Variants in DISC1 observed in about 807,000 individuals in gnomAD.
DISC1 encodes the protein DISC1 scaffold protein.
Under a neutral mutation model 84.5 loss-of-function variants are expected in DISC1, and 57 were observed. That is an observed-to-expected ratio of 0.67 (90% CI 0.55 to 0.84). The LOEUF (loss-of-function observed/expected upper bound fraction) is 0.84. Among genes scored for constraint, DISC1 ranks in the 40% least tolerant of loss-of-function variants. DISC1 has a pLI of 0.00. For missense variants in DISC1, 1,000 were observed against 1,057.8 expected, an observed-to-expected ratio of 0.95 and a Z score of 0.76; for synonymous variants, 411 against 415.2, an observed-to-expected ratio of 0.99 and a Z score of 0.12.
At chr1:231,638,453 G>C (rs763354091) in intron 1 of DISC1, among the ~76,000 whole-genome samples, 1 of 152,044 alleles carries the variant, frequency 6.6e-6, no homozygotes, top group Non-Finnish European at 1.5e-5. Context: ...TTTTCTTCTA[G>C]TATGTTTATA....
intron 9 of DISC1, among the ~76,000 whole-genome samples, chr1:231,821,992 C>T (rs879832483): frequency 4.6e-5 from 7 of 152,138 alleles, no homozygotes; most frequent in Non-Finnish European, 7.3e-5. Flanking sequence ...TGAGCCACCG[C>T]GCCCGGCCTA....
At chr1:231,720,164 A>C (rs2069449543) in intron 3 of DISC1, among the ~76,000 whole-genome samples, 1 of 152,138 alleles carries the variant, frequency 6.6e-6, no homozygotes, top group Admixed American at 6.5e-5. Flanking sequence ...TAGTGTAATT[A>C]GTTCCTCTAG....
At chr1:231,694,897 A>G in intron 2 of DISC1, 92 bp downstream of exon 2, 2 of 1,543,766 alleles carry the variant, frequency 1.3e-6, no homozygotes, top group Admixed American at 1.9e-5. Context: ...TCTGGGCTCA[A>G]CTGACTTCCT....
chr1:231,685,204 T>G (rs1340372845), intron 1 of DISC1: 1 of 152,246 alleles, frequency 6.6e-6, no homozygotes, highest in Non-Finnish European at 1.5e-5. Flanking sequence ...TGCGCTATCT[T>G]CATATCGATG....
At chr1:231,817,759 T>G (rs1353606477) in intron 8 of DISC1, among the ~76,000 whole-genome samples, 3 of 152,204 alleles carry the variant, frequency 2.0e-5, no homozygotes, top group Non-Finnish European at 4.4e-5. Context: ...ATTTAATTTA[T>G]CATATATTTT....
intron 3 of DISC1, among the ~76,000 whole-genome samples, chr1:231,744,352 A>G (rs2125286979): frequency 6.6e-6 from 1 of 152,334 alleles, no homozygotes; most frequent in Admixed American, 6.5e-5. Context: ...GGAAGCTCTG[A>G]TGAATGGTAT....
chr1:231,853,023 G>T (rs2084010269), intron 9 of DISC1, among the ~76,000 whole-genome samples: 1 of 152,080 alleles, frequency 6.6e-6, no homozygotes, highest in South Asian at 2.1e-4. Context: ...CTGCAGTTAG[G>T]AAATGCCCTC....
intron 8 of DISC1, among the ~76,000 whole-genome samples, chr1:231,808,035 C>A (rs1391448169): frequency 6.6e-6 from 1 of 152,084 alleles, no homozygotes; most frequent in Non-Finnish European, 1.5e-5. Context: ...CAATGTATGG[C>A]CCTGGTATTA....
At chr1:231,762,128 C>G (rs1271068393) in intron 4 of DISC1, among the ~76,000 whole-genome samples, 1 of 140,266 alleles carries the variant, frequency 7.1e-6, no homozygotes, top group African/African-American at 2.6e-5. Context: ...TTTCTTTTTT[C>G]TTTTCTTTCT....
At chr1:231,799,838 C>A (rs974194263) in intron 7 of DISC1, among the ~76,000 whole-genome samples, 8 of 79,988 alleles carry the variant, frequency 1.0e-4, no homozygotes, top group Non-Finnish European at 2.0e-4. Flanking sequence ...CCCTCTTTCC[C>A]TTCTCTTTCC....
chr1:231,749,715 G>A (rs2074392707), intron 3 of DISC1, among the ~76,000 whole-genome samples: 1 of 152,080 alleles, frequency 6.6e-6, no homozygotes. Context: ...AGAGTTAAAA[G>A]AATAAAAGAT....
chr1:231,653,764 T>C (rs1388036896), intron 1 of DISC1, among the ~76,000 whole-genome samples: 1 of 152,192 alleles, frequency 6.6e-6, no homozygotes, highest in Non-Finnish European at 1.5e-5. Flanking sequence ...GATCTCTGGG[T>C]GATGTGCTGT....
chr1:232,035,676 A>T (rs1670450707), intron 12 of DISC1, among the ~76,000 whole-genome samples: 2 of 152,334 alleles, frequency 1.3e-5, no homozygotes, highest in South Asian at 4.1e-4. Context: ...TGGTGTCAAC[A>T]TATTTCTACT....
chr1:231,891,081 G>T (rs563183847), intron 9 of DISC1, among the ~76,000 whole-genome samples: 27 of 152,268 alleles, frequency 1.8e-4, no homozygotes, highest in African/African-American at 6.5e-4. Context: ...TCTGGCTGAA[G>T]GCTAAACCCT....
chr1:232,016,323 G>T (rs115452830), intron 11 of DISC1, among the ~76,000 whole-genome samples: 1 of 152,142 alleles, frequency 6.6e-6, no homozygotes, highest in Non-Finnish European at 1.5e-5. Context: ...TCCCTTAAAA[G>T]GAATCCCTCA....
At chr1:231,832,582 G>A (rs2082317563) in intron 9 of DISC1, among the ~76,000 whole-genome samples, 1 of 151,542 alleles carries the variant, frequency 6.6e-6, no homozygotes, top group East Asian at 2.0e-4. Flanking sequence ...CCCTGTGGCA[G>A]TACAGCCCAG....
At position 231,826,018 on chromosome 1, in the gene DISC1, C is replaced by T. The variant is rs1181898155; in HGVS notation, c.1981+7501C>T. On this transcript the variant is annotated intron_variant, in intron 9 of 12. Coordinates refer to ENST00000439617, the MANE Select transcript of DISC1 (RefSeq NM_018662.3). The surrounding 1 kb of genome is among the most constrained non-coding windows in gnomAD (Gnocchi z 4.2). ...TGAAGAAAAGGAATGATCCCTTGTACGAAGTCACCCTCTTTTTAGTAACAA... is the reference window on the plus strand; with the variant it reads ...TGAAGAAAAGGAATGATCCCTTGTATGAAGTCACCCTCTTTTTAGTAACAA... 5.3e-5 allele frequency among the ~76,000 whole-genome samples: 8 copies of T among 152,208 alleles called. No homozygotes were observed. Among genetic ancestry groups the T allele is most frequent in the South Asian group, 2.1e-4 (1 of 4,820 alleles).
chr1:231,705,858 G>T (rs940828049), intron 3 of DISC1, among the ~76,000 whole-genome samples: 2 of 152,008 alleles, frequency 1.3e-5, no homozygotes, highest in African/African-American at 4.8e-5. Context: ...CAGGGGAAGG[G>T]GTCTGCCGGA....
Position 232,037,431 on chromosome 1 carries a change from A to G in DISC1, c.*600A>G, listed in dbSNP as rs1438996088. ...TATTTTGGTAAGACAACAACCTCCC[A>G]GTGATATGCCACCTTTCAATTTTCC... On this transcript the variant is annotated 3_prime_UTR_variant, in exon 13 of 13. Transcript: ENST00000439617. 1 of 152,212 alleles carries G rather than the reference A, an allele frequency of 6.6e-6. No individual in the cohort carries two copies. The highest frequency in any genetic ancestry group is 1.5e-5 in the Non-Finnish European group (1 of 68,044). 9.4% of individuals were successfully genotyped at this position (152,212 alleles called of 1,614,324 possible).
Sources: allele counts gnomAD v4.1 joint callset (sites outside exome capture counted in the v4.1 genomes callset), GRCh38; gene constraint gnomAD v4.1.1; non-coding constraint Gnocchi (gnomAD v3.1); transcripts MANE v1.5; gene names NCBI Gene and HGNC (gene_info 2026-07-23, HGNC 2026-07-21).